The following AIMP2 variants were observed in gnomAD, a reference collection of about 807,000 sequenced individuals.
The protein encoded by AIMP2 is aminoacyl tRNA synthetase complex interacting multifunctional protein 2.
A neutral mutation model predicts 23.4 loss-of-function variants in AIMP2; 20 were observed. The observed-to-expected ratio is 0.85, with a 90% confidence interval of 0.60 to 1.24. The LOEUF (loss-of-function observed/expected upper bound fraction) is 1.24. Among genes scored for constraint, AIMP2 ranks in the 50% most tolerant of loss-of-function variants. The pLI is 0.00. For synonymous variants in AIMP2, 210 were observed against 170.4 expected (o/e 1.23, Z -1.81); for missense variants, 515 against 414.5 (o/e 1.24, Z -2.10).
chr7:6,021,621 C>A (rs920852918), intron 3 of AIMP2, among the ~76,000 whole-genome samples: 5 of 152,136 alleles, frequency 3.3e-5, no homozygotes, highest in African/African-American at 1.2e-4. Flanking sequence ...AGACACTGCA[C>A]AGAAGAATTA....
chr7:6,023,119 G>A, intron 3 of AIMP2, 184 bp from the exon 4 acceptor site: 1 of 651,748 alleles, frequency 1.5e-6, no homozygotes, highest in Non-Finnish European at 2.5e-6. Flanking sequence ...AACATAGTTT[G>A]CACTTAAACC....
chr7:6,022,463 G>A (rs898304681), intron 3 of AIMP2: 1 of 152,126 alleles, frequency 6.6e-6, no homozygotes, highest in Non-Finnish European at 1.5e-5. Flanking sequence ...TCAAGGGTTA[G>A]CTGTACTATA....
chr7:6,011,552 T>G (rs1786691226), intron 1 of AIMP2, among the ~76,000 whole-genome samples: 1 of 152,220 alleles, frequency 6.6e-6, no homozygotes, highest in African/African-American at 2.4e-5. Flanking sequence ...CGGTAACTTT[T>G]CTGGTCTGTT....
intron 1 of AIMP2, chr7:6,012,755 C>A: frequency 1.2e-6 from 1 of 835,412 alleles, no homozygotes; most frequent in Non-Finnish European, 1.6e-6. Flanking sequence ...AATGGAGTTT[C>A]ATCATGTTGT....
intron 3 of AIMP2, among the ~76,000 whole-genome samples, chr7:6,018,734 G>A (rs1787190709): frequency 6.6e-6 from 1 of 151,326 alleles, no homozygotes; most frequent in African/African-American, 2.4e-5. Context: ...CTCGGGAGGC[G>A]GAGGCAGGAG....
chr7:6,015,361 G>C lies in AIMP2; in HGVS notation c.342+9G>C. 1 of 1,613,732 alleles carries C rather than the reference G, an allele frequency of 6.2e-7. No homozygotes were observed. Among genetic ancestry groups the C allele is most frequent in the Non-Finnish European group, 8.5e-7 (1 of 1,179,734 alleles). ...ATTCAGTGCTTGGGAAGGTAGGTTCGTTTTGAAAGCTGAAACGTTAGTAGG... is the reference window on the plus strand; with the variant it reads ...ATTCAGTGCTTGGGAAGGTAGGTTCCTTTTGAAAGCTGAAACGTTAGTAGG... On this transcript the variant is annotated intron_variant, in intron 2 of 3. Coordinates refer to ENST00000223029, the MANE Select transcript of AIMP2 (RefSeq NM_006303.4).
At chr7:6,009,974 A>AAAAAAAAAAAAAT in intron 1 of AIMP2, among the ~76,000 whole-genome samples, 1 of 26,662 alleles carries the variant, frequency 3.8e-5, no homozygotes, top group Non-Finnish European at 6.8e-5. Context: ...AAAAAAAAAA[A>AAAAAAAAAAAAAT]ATATATATAT....
intron 2 of AIMP2, among the ~76,000 whole-genome samples, chr7:6,015,748 TG>T (rs1322781010): frequency 6.6e-6 from 1 of 152,218 alleles, no homozygotes; most frequent in Non-Finnish European, 1.5e-5. Context: ...ACTAGCTTTC[TG>T]GTTTTCAAAG....
intron 1 of AIMP2, among the ~76,000 whole-genome samples, chr7:6,010,784 C>T (rs1002538375): frequency 3.3e-5 from 5 of 149,434 alleles, no homozygotes; most frequent in African/African-American, 7.5e-5. Context: ...AAGCATACAG[C>T]GTATAGTCTG....
At chr7:6,010,739 G>A (rs3757480) in intron 1 of AIMP2, among the ~76,000 whole-genome samples, 9,146 of 151,664 alleles carry the variant, frequency 0.06, 307 homozygotes, top group East Asian at 0.096. Flanking sequence ...GTGAGCCACC[G>A]TGCCCGGCCC....
intron 1 of AIMP2, among the ~76,000 whole-genome samples, chr7:6,011,873 G>C (rs965268848): frequency 1.3e-5 from 2 of 152,088 alleles, no homozygotes; most frequent in African/African-American, 4.8e-5. Flanking sequence ...ACTTCTTTTG[G>C]GTTTTTGTGA....
chr7:6,019,150 C>T (rs1366187788), intron 3 of AIMP2, among the ~76,000 whole-genome samples: 4 of 151,900 alleles, frequency 2.6e-5, no homozygotes, highest in Non-Finnish European at 5.9e-5. Flanking sequence ...CAATCTGCTT[C>T]AGACACCCTG....
chr7:6,012,874 A>G (rs1415105716), intron 1 of AIMP2: 4 of 992,374 alleles, frequency 4.0e-6, no homozygotes, highest in Non-Finnish European at 4.8e-6. Context: ...TTTAATTGGC[A>G]TACTGAACTC....
In AIMP2 at chr7:6,023,285, C is replaced by A. The variant is rs758529606; in HGVS notation, c.575-18C>A. 6.4e-7 allele frequency: 1 copy of A among 1,571,470 alleles called. No homozygotes were observed. The highest frequency in any genetic ancestry group is 1.2e-5 in the South Asian group (1 of 84,236). Reference sequence around the variant, plus strand: ...GGGCTGCTCTGGTGATGCTACCTGGCGTGTTTTTTCTTTTCAGTGCCGAAG... The same window carrying A: ...GGGCTGCTCTGGTGATGCTACCTGGAGTGTTTTTTCTTTTCAGTGCCGAAG... On this transcript the variant is annotated intron_variant, in intron 3 of 3. Transcript: ENST00000223029.
chr7:6,021,253 A>C (rs1238149707), intron 3 of AIMP2, among the ~76,000 whole-genome samples: 1 of 149,966 alleles, frequency 6.7e-6, no homozygotes, highest in Non-Finnish European at 1.5e-5. Context: ...CTGAGGCAGG[A>C]GAATTGCTTG....
intron 1 of AIMP2, chr7:6,012,683 TC>T: frequency 2.5e-6 from 1 of 402,914 alleles, no homozygotes; most frequent in Non-Finnish European, 4.8e-6. Flanking sequence ...CCTTAGCCTC[TC>T]CAGTAGCTGG....
intron 3 of AIMP2, among the ~76,000 whole-genome samples, chr7:6,018,865 CAAG>C (rs1307886949): frequency 1.3e-5 from 2 of 151,588 alleles, no homozygotes; most frequent in African/African-American, 4.8e-5. Flanking sequence ...AATATCAAAA[CAAG>C]AAAAAGATAT....
intron 2 of AIMP2, among the ~76,000 whole-genome samples, chr7:6,016,286 C>G (rs1286042347): frequency 1.3e-5 from 2 of 152,144 alleles, no homozygotes; most frequent in African/African-American, 4.8e-5. Context: ...GTTTGTTAAC[C>G]ACAATGTGAT....
rs762568088 is a variant in AIMP2 at position 6,015,348 on chromosome 7, G to T, written c.338G>T (p.Gly113Val). The T allele has an allele frequency of 1.9e-6, 3 of 1,613,946 alleles. No individual in the cohort carries two copies. Among genetic ancestry groups the T allele is most frequent in the Non-Finnish European group, 1.7e-6 (2 of 1,179,994 alleles). ...TNALDLNSVL[G>V]KDYGALKDIV... is the part of the protein sequence containing the mutation. ...GCGCTGGACTTGAATTCAGTGCTTG[G>T]GAAGGTAGGTTCGTTTTGAAAGCTG... The change falls in exon 2 of 4, where the codon GGG becomes GTG. Residue 113 changes from glycine (G) to valine (V), a missense_variant. Coordinates refer to ENST00000223029, the MANE Select transcript of AIMP2 (RefSeq NM_006303.4).
Sources: allele counts gnomAD v4.1 joint callset (sites outside exome capture counted in the v4.1 genomes callset), GRCh38; gene constraint gnomAD v4.1.1; transcripts MANE v1.5; gene names NCBI Gene and HGNC (gene_info 2026-07-23, HGNC 2026-07-21).